PLAC1: variants seen among roughly 807,000 people sequenced by gnomAD.
PLAC1 encodes placenta associated 1, also known as placenta-specific protein 1.
For missense variants in PLAC1, 136 were observed against 163.2 expected, an observed-to-expected ratio of 0.83 and a Z score of 0.91; for synonymous variants, 68 against 62.1, an observed-to-expected ratio of 1.09 and a Z score of -0.44.
At chrX:134,624,681 T>C (rs1022419153) in intron 1 of PLAC1, among the ~76,000 whole-genome samples, 7 of 111,816 alleles carry the variant, frequency 6.3e-5, no homozygotes, top group Non-Finnish European at 1.1e-4. Context: ...TGGGGCTTTG[T>C]ATGTGGTTAA....
intron 1 of PLAC1, among the ~76,000 whole-genome samples, chrX:134,614,798 C>A (rs1216795131): frequency 1.8e-5 from 2 of 111,212 alleles, no homozygotes; most frequent in African/African-American, 3.3e-5. Context: ...TCATGCCCAG[C>A]TAATTTTTTT....
chrX:134,616,834 G>T (rs2078185076), intron 1 of PLAC1, among the ~76,000 whole-genome samples: 1 of 107,740 alleles, frequency 9.3e-6, no homozygotes, highest in Non-Finnish European at 1.9e-5. Context: ...GGAGTGCAGT[G>T]GTGCGATCTC....
At chrX:134,599,145 C>T (rs1602820928) in intron 2 of PLAC1, among the ~76,000 whole-genome samples, 1 of 111,061 alleles carries the variant, frequency 9.0e-6, no homozygotes, top group African/African-American at 3.3e-5. Context: ...TGGAAGGAGC[C>T]CTATACTTGC....
chrX:134,680,706 G>A (rs776530477), intron 2 of PLAC1, among the ~76,000 whole-genome samples: 11 of 111,898 alleles, frequency 9.8e-5, no homozygotes, highest in Non-Finnish European at 1.9e-4. Context: ...TGGTGCATTC[G>A]CTGCAATTCT....
rs769959518 is a variant in PLAC1, at chrX:134,646,870, C to T, written c.-131+11458G>A. ...AAACGGCCCTGGATCAAGACTAGAC[C>T]GGGCTTGCAGAGGTAGCCAGAGGTA... On this transcript the variant is annotated intron_variant, in intron 1 of 2. Transcript: ENST00000359237. 1.0e-3 allele frequency among the ~76,000 whole-genome samples: 113 copies of T among 112,127 alleles called. 1 individual carries two copies. Among genetic ancestry groups the T allele is most frequent in the African/African-American group, 3.1e-3 (96 of 30,912 alleles).
At chrX:134,675,916 G>T (rs959121470) in intron 2 of PLAC1, among the ~76,000 whole-genome samples, 4 of 111,497 alleles carry the variant, frequency 3.6e-5, no homozygotes, top group Admixed American at 9.5e-5. Context: ...GGTAGAATAC[G>T]GGCTCGCAGA....
chrX:134,631,066 G>C (rs982848312), intron 1 of PLAC1, among the ~76,000 whole-genome samples: 1 of 111,631 alleles, frequency 9.0e-6, no homozygotes, highest in Non-Finnish European at 1.9e-5. Context: ...TACAGGGAGG[G>C]GAGGGGATGG....
chrX:134,706,079 C>CA (rs1005760356), intron 2 of PLAC1, among the ~76,000 whole-genome samples: 6 of 111,474 alleles, frequency 5.4e-5, no homozygotes, highest in Non-Finnish European at 9.4e-5. Flanking sequence ...CAAGCACAGA[C>CA]AAAAAAAATC....
intron 2 of PLAC1, among the ~76,000 whole-genome samples, chrX:134,731,870 A>C (rs1224648833): frequency 9.0e-6 from 1 of 111,656 alleles, no homozygotes; most frequent in African/African-American, 3.3e-5. Flanking sequence ...AAGTATAAAA[A>C]ATTACCCGGG....
At position 134,691,115 on chromosome X, in the gene PLAC1, CT is replaced by C. The variant is rs35070504; in HGVS notation, n.174+42319del. On this transcript the variant is annotated intron_variant and non_coding_transcript_variant, in intron 2 of 2. Transcript: ENST00000466797. ...TTCTTTTGAGCAGTGTTTCTTTTTT[CT>C]TTTTTTTTTTTTCACAAGTTCCTCT... 2.0e-3 allele frequency among the ~76,000 whole-genome samples: 170 copies of C among 83,141 alleles called. 1 individual carries two copies. Among genetic ancestry groups the C allele is most frequent in the African/African-American group, 7.0e-3 (155 of 22,108 alleles). 72.2% of individuals were successfully genotyped at this position (83,141 alleles called of 115,157 possible).
intron 1 of PLAC1, among the ~76,000 whole-genome samples, chrX:134,753,490 G>A (rs1221801834): frequency 7.3e-5 from 8 of 110,062 alleles, no homozygotes; most frequent in Admixed American, 4.9e-4. Flanking sequence ...CTAATGTATC[G>A]CTCAGACCTG....
intron 2 of PLAC1, among the ~76,000 whole-genome samples, chrX:134,669,431 G>A (rs2078447654): frequency 8.9e-6 from 1 of 112,430 alleles, no homozygotes; most frequent in African/African-American, 3.2e-5. Flanking sequence ...TGTAAAGAAG[G>A]TAGAACAGTG....
intron 2 of PLAC1, among the ~76,000 whole-genome samples, chrX:134,709,401 G>A (rs948415711): frequency 6.3e-5 from 7 of 111,793 alleles, no homozygotes; most frequent in African/African-American, 9.8e-5. Flanking sequence ...CAAGGCGGGC[G>A]GATCACTTGA....
intron 2 of PLAC1, among the ~76,000 whole-genome samples, chrX:134,696,799 C>T (rs777138327): frequency 4.1e-4 from 45 of 109,967 alleles, no homozygotes; most frequent in African/African-American, 1.3e-3. Flanking sequence ...GAGGCCGAGG[C>T]GGGAGGATCA....
intron 2 of PLAC1, among the ~76,000 whole-genome samples, chrX:134,705,000 T>TTA (rs746596481): frequency 0.13 from 10,132 of 81,016 alleles, 546 homozygotes; most frequent in Middle Eastern, 0.14. Context: ...CTCAAAAAAA[T>TTA]TATATATATA....
intron 1 of PLAC1, among the ~76,000 whole-genome samples, chrX:134,748,308 C>G (rs184167820): frequency 3.5e-4 from 35 of 99,130 alleles, no homozygotes; most frequent in African/African-American, 1.3e-3. Context: ...CCAGCCTGGG[C>G]GACAAGAGAG....
upstream of PLAC1, among the ~76,000 whole-genome samples, chrX:134,662,728 G>A (rs907258505): frequency 8.9e-5 from 10 of 111,979 alleles, no homozygotes; most frequent in Non-Finnish European, 1.3e-4. Context: ...CCAGGAGTTC[G>A]AGACTAGCCT....
chrX:134,715,697 A>C (rs1290023754), intron 2 of PLAC1, among the ~76,000 whole-genome samples: 3 of 111,905 alleles, frequency 2.7e-5, no homozygotes, highest in Non-Finnish European at 5.6e-5. Context: ...AATTAATTAC[A>C]GAGAAGCCCG....
At chrX:134,699,594 C>A (rs189961205) in intron 2 of PLAC1, among the ~76,000 whole-genome samples, 3 of 112,429 alleles carry the variant, frequency 2.7e-5, no homozygotes, top group Admixed American at 9.4e-5. Flanking sequence ...CAGATGTACA[C>A]AATAAAATTT....
Sources: gnomAD v4.1 joint callset for allele counts (sites outside exome capture counted in the v4.1 genomes callset) on GRCh38, gnomAD v4.1.1 for gene constraint, MANE v1.5 for transcripts, NCBI Gene and HGNC (gene_info 2026-07-23, HGNC 2026-07-21) for gene names.